The following TANC2 variants were observed in gnomAD, a reference collection of about 807,000 sequenced individuals.
TANC2 encodes the protein protein TANC2.
A neutral mutation model predicts 210.5 loss-of-function variants in TANC2; 26 were observed. The observed-to-expected ratio is 0.12, with a 90% CI of 0.09 to 0.17. The LOEUF (loss-of-function observed/expected upper bound fraction) is 0.17. Ranked by LOEUF, TANC2 falls within the 10% of genes least tolerant of loss-of-function variation. The pLI, the probability that TANC2 is intolerant of heterozygous loss-of-function variation, is 1.00. For synonymous variants in TANC2, 931 were observed against 967.1 expected (o/e 0.96, Z 0.69); for missense variants, 2,129 against 2,608.9 (o/e 0.82, Z 4.01).
At chr17:63,136,468 T>C (rs563414970) in intron 4 of TANC2, among the ~76,000 whole-genome samples, 7 of 152,086 alleles carry the variant, frequency 4.6e-5, no homozygotes, top group Non-Finnish European at 1.0e-4. Flanking sequence ...AGATCACTTA[T>C]ACCTCTATAA....
chr17:63,423,566 T>C (rs950965864), exon 28 of TANC2: 5 of 152,294 alleles, frequency 3.3e-5, no homozygotes, highest in African/African-American at 1.2e-4. Flanking sequence ...GGAAGGGCAG[T>C]TTCCTGAATA....
intron 2 of TANC2, among the ~76,000 whole-genome samples, chr17:63,053,421 C>G (rs2035654090): frequency 6.6e-6 from 1 of 152,210 alleles, no homozygotes; most frequent in Admixed American, 6.5e-5. Flanking sequence ...ATCTTTTCCA[C>G]TCCATAAAAC....
chr17:63,092,428 C>A (rs1011365845), intron 3 of TANC2, among the ~76,000 whole-genome samples: 10 of 151,566 alleles, frequency 6.6e-5, no homozygotes, highest in Non-Finnish European at 1.3e-4. Flanking sequence ...AGTAGTAACT[C>A]CTAGTTTGAA....
chr17:63,384,593 C>T (rs927586089), intron 15 of TANC2, among the ~76,000 whole-genome samples: 6 of 151,862 alleles, frequency 4.0e-5, no homozygotes, highest in African/African-American at 1.2e-4. Flanking sequence ...TATATCTTTC[C>T]CTTACCCCAT....
chr17:63,236,061 A>G (rs901719601), intron 7 of TANC2, among the ~76,000 whole-genome samples: 2 of 152,052 alleles, frequency 1.3e-5, no homozygotes, highest in Non-Finnish European at 1.5e-5. Flanking sequence ...TGTCTCTTCT[A>G]TTAGTTCCTG....
intron 5 of TANC2, among the ~76,000 whole-genome samples, chr17:63,179,554 A>G (rs1399458046): frequency 6.6e-6 from 1 of 152,196 alleles, no homozygotes; most frequent in Non-Finnish European, 1.5e-5. Flanking sequence ...AGTACTATCA[A>G]CATTATTCCA....
intron 11 of TANC2, among the ~76,000 whole-genome samples, chr17:63,328,778 T>C (rs2045741136): frequency 6.6e-6 from 1 of 151,988 alleles, no homozygotes. Context: ...TCAAAATAAC[T>C]AACTTTTAAG....
Position 62,966,913 on chromosome 17 carries a change from T to G in TANC2, c.-24+164T>G, listed in dbSNP as rs2031373580. 6.6e-6 allele frequency: 1 copy of G among 152,348 alleles called. No individual in the cohort carries two copies. Among genetic ancestry groups the G allele is most frequent in the Middle Eastern group, 3.4e-3 (1 of 294 alleles). The allele number at this position is 152,348 out of a possible 1,614,324, so 9.4% of individuals were successfully genotyped here. On this transcript the variant is annotated intron_variant, in intron 1 of 27. Coordinates refer to ENST00000689528, the Ensembl canonical transcript of TANC2. The surrounding 1 kb of genome is among the most constrained non-coding windows in gnomAD (Gnocchi z 5.1). ...AGGCGTGGGGAAGGCTGGCTCCGAATATGACACCAAGGCGGGCTTCAGAGG... is the reference window on the plus strand; with the variant it reads ...AGGCGTGGGGAAGGCTGGCTCCGAAGATGACACCAAGGCGGGCTTCAGAGG...
At position 63,103,494 on chromosome 17, in the gene TANC2, C is replaced by T. The variant is rs559973046; in HGVS notation, c.322+4137C>T. 2.2e-4 allele frequency among the ~76,000 whole-genome samples: 34 copies of T among 152,156 alleles called. No individual in the cohort carries two copies. In the East Asian group the frequency reaches 6.0e-3, roughly 27 times the overall value. ...CAAGAGAGACATAGACTTTGTGGTC[C>T]GACTGTTTGGGTTTATATCCCAGCT... is the stretch of plus-strand genomic sequence containing the variant. On this transcript the variant is annotated intron_variant, in intron 4 of 27. Coordinates refer to ENST00000689528, the Ensembl canonical transcript of TANC2.
At chr17:63,266,484 A>C (rs2043531476) in intron 8 of TANC2, among the ~76,000 whole-genome samples, 2 of 152,196 alleles carry the variant, frequency 1.3e-5, no homozygotes, top group Non-Finnish European at 2.9e-5. Flanking sequence ...AAGTTTACTT[A>C]CTGTCATAAT....
intron 8 of TANC2, among the ~76,000 whole-genome samples, chr17:63,265,171 C>T (rs1341108285): frequency 1.3e-5 from 2 of 152,124 alleles, no homozygotes; most frequent in African/African-American, 4.8e-5. Context: ...TGAAATGCTC[C>T]AGATTCATAA....
chr17:62,991,123 A>G (rs2032838399), intron 1 of TANC2, among the ~76,000 whole-genome samples: 2 of 152,190 alleles, frequency 1.3e-5, no homozygotes, highest in South Asian at 4.1e-4. Flanking sequence ...ATCAGAGAGC[A>G]AAGGGGCAAG....
At chr17:63,077,335 T>A (rs552519003) in intron 3 of TANC2, among the ~76,000 whole-genome samples, 8 of 152,246 alleles carry the variant, frequency 5.3e-5, no homozygotes, top group African/African-American at 1.9e-4. Flanking sequence ...GCCTGTCTTA[T>A]ACACTTTCTA....
At chr17:63,335,427 A>G (rs1242828322) in intron 11 of TANC2, among the ~76,000 whole-genome samples, 1 of 152,112 alleles carries the variant, frequency 6.6e-6, no homozygotes, top group Non-Finnish European at 1.5e-5. Flanking sequence ...CCTGGCCAAT[A>G]TAGTGAAACC....
intron 17 of TANC2, among the ~76,000 whole-genome samples, chr17:63,395,353 T>C (rs1422052706): frequency 6.6e-6 from 1 of 152,250 alleles, no homozygotes; most frequent in Admixed American, 6.5e-5. Context: ...TTCCCTTTTT[T>C]GATTTCAAAG....
intron 7 of TANC2, among the ~76,000 whole-genome samples, chr17:63,214,554 G>A (rs935176251): frequency 6.6e-6 from 1 of 152,206 alleles, no homozygotes; most frequent in African/African-American, 2.4e-5. Context: ...CAAGATCAAG[G>A]CACCAGCAGA....
chr17:63,269,111 A>G (rs2043619133), intron 9 of TANC2, among the ~76,000 whole-genome samples: 1 of 152,180 alleles, frequency 6.6e-6, no homozygotes, highest in Non-Finnish European at 1.5e-5. Context: ...AGACATCATT[A>G]TGCTAACAGT....
At chr17:63,183,519 C>G (rs1386138477) in intron 5 of TANC2, among the ~76,000 whole-genome samples, 1 of 152,124 alleles carries the variant, frequency 6.6e-6, no homozygotes, top group Non-Finnish European at 1.5e-5. Context: ...AATTTAAAAA[C>G]TAAAGTTTGA....
chr17:63,050,056 A>G (rs1202621841), intron 2 of TANC2, among the ~76,000 whole-genome samples: 1 of 152,124 alleles, frequency 6.6e-6, no homozygotes, highest in Non-Finnish European at 1.5e-5. Context: ...TGTGTGATAT[A>G]AAAGTGGAAA....
Sources: allele counts gnomAD v4.1 joint callset (sites outside exome capture counted in the v4.1 genomes callset), GRCh38; gene constraint gnomAD v4.1.1; non-coding constraint Gnocchi (gnomAD v3.1); transcripts MANE v1.5; gene names NCBI Gene and HGNC (gene_info 2026-07-23, HGNC 2026-07-21).